Variants in SLC34A3 observed in about 807,000 individuals in gnomAD.
The protein encoded by SLC34A3 is solute carrier family 34 member 3.
A neutral mutation model predicts 43.9 loss-of-function variants in SLC34A3; 60 were observed. The ratio of observed to expected loss-of-function variants is 1.37; its 90% CI spans 1.11 to 1.70. SLC34A3 has a LOEUF of 1.70. Ranked by LOEUF, SLC34A3 falls within the 40% of genes most tolerant of loss-of-function variation. The pLI is 0.00. For synonymous variants in SLC34A3, 451 were observed against 386.2 expected, an observed-to-expected ratio of 1.17 and a Z score of -1.97; for missense variants, 969 against 823.8, an observed-to-expected ratio of 1.18 and a Z score of -2.16.
chr9:137,233,779 T>TTGGCGCCCCCCCCCCCCCCCCCCCC, intron 8 of SLC34A3, 57 bp downstream of exon 8: 1 of 1,445,822 alleles, frequency 6.9e-7, no homozygotes. Context: ...TGCTGAGTCA[T>TTGGCGCCCCCCCCCCCCCCCCCCCC]CCCGCCCCAC....
Position 137,234,054 on chromosome 9 carries a change from C to T in SLC34A3, c.926-55C>T. On this transcript the variant is annotated intron_variant, in intron 9 of 12. Transcript: ENST00000673835. This position sits in a 1 kb window ranked among gnomAD's most constrained non-coding sequence, Gnocchi z 6.9. ...GGACAGGCTGCCCTGTGAGGCCCGG[C>T]CCACCCCGGCCCACCCCCCAGGCTC... 1 of 713,308 alleles carries T rather than the reference C, an allele frequency of 1.4e-6. No homozygotes were observed. The highest frequency in any genetic ancestry group is 2.2e-6 in the Non-Finnish European group (1 of 457,874). 44.2% of individuals were successfully genotyped at this position (713,308 alleles called of 1,614,324 possible). A position where few individuals can be genotyped will look rare whatever the true frequency, so the allele number is the denominator to read the frequency against.
rs776182012 is a variant in SLC34A3 at position 137,233,399 on chromosome 9, G to A, written c.751G>A (p.Val251Met). 1.1e-5 allele frequency: 18 copies of A among 1,602,774 alleles called. No individual in the cohort carries two copies. In the East Asian group the frequency reaches 2.9e-4, roughly 26 times the overall value. ...VLTKPLTHLIVQLDSDMIMSS... is the reference protein window; with the variant it reads ...VLTKPLTHLIMQLDSDMIMSS... ...GACGAAGCCGCTCACACACCTCATCGTGCAGGTGAGGACGGCCACCGCCCC... is the reference window on the plus strand; with the variant it reads ...GACGAAGCCGCTCACACACCTCATCATGCAGGTGAGGACGGCCACCGCCCC... Residue 251 changes from valine to methionine, a missense_variant, in exon 7 of 13, where the codon GTG becomes ATG. By Grantham distance (21) the Val-to-Met change is conservative. Transcript: ENST00000673835.
Position 137,234,681 on chromosome 9 carries a change from C to T in SLC34A3, c.1285C>T (p.Leu429=). ...CAACATCGGCACCACTACCACAGCCCTGCTGGCTGCCCTGGCCAGCCCCGC... is the reference window on the plus strand; with the variant it reads ...CAACATCGGCACCACTACCACAGCCTTGCTGGCTGCCCTGGCCAGCCCCGC... ...GSNIGTTTTA[L]LAALASPADR... The change falls in exon 12 of 13, where the codon CTG becomes TTG. Residue 429 remains leucine, a synonymous_variant. Coordinates refer to ENST00000673835, the MANE Select transcript of SLC34A3 (RefSeq NM_001177316.2). This position sits in a 1 kb window ranked among gnomAD's most constrained non-coding sequence, Gnocchi z 6.9. 4.3e-6 allele frequency: 7 copies of T among 1,612,252 alleles called. No homozygotes were observed. The highest frequency in any genetic ancestry group is 5.9e-6 in the Non-Finnish European group (7 of 1,179,878).
rs955254436 is a variant in SLC34A3 at position 137,234,070 on chromosome 9, C to T, written c.926-39C>T. 3 of 1,488,358 alleles carry T rather than the reference C, an allele frequency of 2.0e-6. No individual in the cohort carries two copies. Among genetic ancestry groups the T allele is most frequent in the African/African-American group, 2.8e-5 (2 of 71,508 alleles). 92.2% of individuals were successfully genotyped at this position (1,488,358 alleles called of 1,614,324 possible). A position where few individuals can be genotyped will look rare whatever the true frequency, so the allele number is the denominator to read the frequency against. ...GAGGCCCGGCCCACCCCGGCCCACC[C>T]CCCAGGCTCCCCCTCACCTGCCCCT... On this transcript the variant is annotated intron_variant, in intron 9 of 12. Transcript: ENST00000673835. This position sits in a 1 kb window ranked among gnomAD's most constrained non-coding sequence, Gnocchi z 6.9.
At position 137,233,221 on chromosome 9, in the gene SLC34A3, C is replaced by T. The variant is rs755437235; in HGVS notation, c.573C>T (p.Gly191=). The change falls in exon 7 of 13, where the codon GGC becomes GGT. Residue 191 remains glycine, a synonymous_variant. Coordinates refer to ENST00000673835, the MANE Select transcript of SLC34A3 (RefSeq NM_001177316.2). ...TCTGCGGCCACAGGGCTTTCAGCGG[C>T]TCGGCGGTGCACGGGATCTTCAACT... ...DRDEFQRAFS[G]SAVHGIFNWL... 1.8e-5 allele frequency: 28 copies of T among 1,575,246 alleles called. No individual in the cohort carries two copies. The highest frequency in any genetic ancestry group is 2.4e-5 in the Non-Finnish European group (28 of 1,160,786).
rs1236157183 is a variant in SLC34A3, at chr9:137,234,599, TC to T, written c.1211-3del. On this transcript the variant is annotated splice_polypyrimidine_tract_variant and splice_region_variant and intron_variant, in intron 11 of 12. Coordinates refer to ENST00000673835, the MANE Select transcript of SLC34A3 (RefSeq NM_001177316.2). This position sits in a 1 kb window ranked among gnomAD's most constrained non-coding sequence, Gnocchi z 6.9. ...CTGGGGTCCTGTGGTGACTCCCAGT[TC>T]CCCCAGGGGTCGGGGTGATCAGTCT... 1 of 1,612,116 alleles carries T rather than the reference TC, an allele frequency of 6.2e-7. No individual in the cohort carries two copies. The highest frequency in any genetic ancestry group is 8.5e-7 in the Non-Finnish European group (1 of 1,179,718).
chr9:137,233,787 C>T, intron 8 of SLC34A3, 65 bp downstream of exon 8: 1 of 1,456,636 alleles, frequency 6.9e-7, no homozygotes, highest in Non-Finnish European at 9.5e-7. Context: ...CATCCCGCCC[C>T]ACCCACCCTC....
In SLC34A3 at chr9:137,232,640, G is replaced by C. The variant is rs376991926; in HGVS notation, c.241G>C (p.Gly81Arg). ...CGTCCTCAAGGCCTGCGGGCTCCTC[G>C]GCAGCCTGTACTTCTTCATCTGCTC... ...GSVLKACGLL[G>R]SLYFFICSLD... The change falls in exon 4 of 13, where the codon GGC becomes CGC. Residue 81 changes from glycine to arginine, a missense_variant. Transcript: ENST00000673835. 14 of 1,612,576 alleles carry C rather than the reference G, an allele frequency of 8.7e-6. No homozygotes were observed. Among genetic ancestry groups the C allele is most frequent in the Non-Finnish European group, 1.1e-5 (13 of 1,179,904 alleles).
chr9:137,236,296 GC>G lies in SLC34A3; in HGVS notation c.1683del (p.Trp562GlyfsTer5). 1 of 1,542,784 alleles carries G rather than the reference GC, an allele frequency of 6.5e-7. No individual in the cohort carries two copies. Among genetic ancestry groups the G allele is most frequent in the Non-Finnish European group, 8.7e-7 (1 of 1,146,736 alleles). On this transcript the variant is annotated frameshift_variant, in exon 13 of 13. Transcript: ENST00000673835. LOFTEE classifies it low-confidence loss of function (END_TRUNC). The part of the protein sequence containing the change: ...WLPVWLHSLE[P>X]WDRLVTRCCP... ...TCCCCGTCTGGCTCCATTCTCTGGA[GC>G]CCTGGGACCGCCTGGTGACCCGCTG...
chr9:137,233,627 C>T lies in SLC34A3; in HGVS notation c.757-6C>T, dbSNP rs934104680. On this transcript the variant is annotated splice_region_variant and splice_polypyrimidine_tract_variant and intron_variant, in intron 7 of 12. Coordinates refer to ENST00000673835, the MANE Select transcript of SLC34A3 (RefSeq NM_001177316.2). ...AGCACACCGTCACGACCCCTCTGGC[C>T]CCCAGTTGGACTCCGACATGATCAT... 2.5e-6 allele frequency: 4 copies of T among 1,612,188 alleles called. No individual in the cohort carries two copies. Among genetic ancestry groups the T allele is most frequent in the Admixed American group, 3.3e-5 (2 of 59,996 alleles).
intron 1 of SLC34A3, 51 bp from the exon 2 acceptor site, chr9:137,231,613 C>A: frequency 8.5e-7 from 1 of 1,170,770 alleles, no homozygotes; most frequent in Non-Finnish European, 1.3e-6. Context: ...CTTGTGAGGA[C>A]AGGGCCGGGG....
At position 137,232,597 on chromosome 9, in the gene SLC34A3, G is replaced by C; in HGVS notation, c.198G>C (p.Leu66=). The C allele has an allele frequency of 6.2e-7, 1 of 1,609,284 alleles. No individual in the cohort carries two copies. Among genetic ancestry groups the C allele is most frequent in the Non-Finnish European group, 8.5e-7 (1 of 1,178,378 alleles). ...CAGAGCTCCGCGTGGCCGGCAGGCT[G>C]CGCCGCGTGGCCGGCAGCGTCCTCA... ...PWKELRVAGR[L]RRVAGSVLKA... is the part of the protein sequence containing the mutation. The change falls in exon 4 of 13, where the codon CTG becomes CTC. Residue 66 remains leucine (L), a synonymous_variant. Transcript: ENST00000673835.
At chr9:137,233,779 T>TTGGGGGCCCCCCCCCCCCCCCCCCCCCC in intron 8 of SLC34A3, 57 bp downstream of exon 8, 5 of 1,445,758 alleles carry the variant, frequency 3.5e-6, no homozygotes, top group East Asian at 2.3e-5. Context: ...TGCTGAGTCA[T>TTGGGGGCCCCCCCCCCCCCCCCCCCCCC]CCCGCCCCAC....
chr9:137,230,399 T>C (rs1836145535), upstream of SLC34A3, among the ~76,000 whole-genome samples: 1 of 152,186 alleles, frequency 6.6e-6, no homozygotes, highest in South Asian at 2.1e-4. Context: ...CTGGGTGCCC[T>C]CCCCGGCTAC....
chr9:137,233,589 T>C (rs754957527), intron 7 of SLC34A3, 44 bp from the exon 8 acceptor site: 9 of 1,596,082 alleles, frequency 5.6e-6, no homozygotes, highest in Non-Finnish European at 7.7e-6. Flanking sequence ...GGGTGAGTCC[T>C]GAGAGAGGGT....
rs761685075 is a variant in SLC34A3, at chr9:137,233,904, A to T, written c.888A>T (p.Thr296=). ...NSSCGAFGPC[T]EKNSTAPADR... is the part of the protein sequence containing the mutation. ...GCTGTGGCGCCTTCGGCCCGTGCACAGAGAAGAACAGCACAGCCCCGGCGG... is the reference window on the plus strand; with the variant it reads ...GCTGTGGCGCCTTCGGCCCGTGCACTGAGAAGAACAGCACAGCCCCGGCGG... Residue 296 remains threonine, a synonymous_variant, in exon 9 of 13, where the codon ACA becomes ACT. Transcript: ENST00000673835. The T allele has an allele frequency of 6.2e-7, 1 of 1,606,374 alleles. No individual in the cohort carries two copies. Among genetic ancestry groups the T allele is most frequent in the East Asian group, 2.2e-5 (1 of 44,652 alleles).
At chr9:137,235,205 C>T (rs1344518000) in intron 12 of SLC34A3, among the ~76,000 whole-genome samples, 1 of 152,118 alleles carries the variant, frequency 6.6e-6, no homozygotes, top group Non-Finnish European at 1.5e-5. Flanking sequence ...GATTCTGCCT[C>T]CAGGACACTT....
Position 137,236,334 on chromosome 9 carries a change from A to G in SLC34A3, c.1718A>G (p.Asn573Ser), listed in dbSNP as rs1320067083. ...CTGGTGACCCGCTGCTGCCCCTGCAACGTCTGCAGCCCCCCGAAGGCCACC... is the reference window on the plus strand; with the variant it reads ...CTGGTGACCCGCTGCTGCCCCTGCAGCGTCTGCAGCCCCCCGAAGGCCACC... ...DRLVTRCCPCNVCSPPKATTK... is the reference protein window; with the variant it reads ...DRLVTRCCPCSVCSPPKATTK... Residue 573 changes from asparagine to serine, a missense_variant, in exon 13 of 13, where the codon AAC becomes AGC. By Grantham distance (46) the Asn-to-Ser change is conservative. Coordinates refer to ENST00000673835, the MANE Select transcript of SLC34A3 (RefSeq NM_001177316.2). 1.9e-6 allele frequency: 3 copies of G among 1,541,636 alleles called. No individual in the cohort carries two copies. Among genetic ancestry groups the G allele is most frequent in the African/African-American group, 2.7e-5 (2 of 72,854 alleles).
In SLC34A3 at chr9:137,234,136, T is replaced by C. The variant is rs1286264501; in HGVS notation, c.953T>C (p.Leu318Pro). 7 of 1,590,904 alleles carry C rather than the reference T, an allele frequency of 4.4e-6. No individual in the cohort carries two copies. The African/African-American group carries it at 9.6e-5, about 22-fold the overall frequency. The part of the protein sequence containing the change: ...PCRHLFAGTE[L>P]TDLAVGCILL... Reference sequence around the variant, plus strand: ...CGCCACCTGTTTGCGGGCACGGAGCTCACGGACCTGGCCGTGGGCTGCATC... The same window carrying C: ...CGCCACCTGTTTGCGGGCACGGAGCCCACGGACCTGGCCGTGGGCTGCATC... Residue 318 changes from leucine to proline, a missense_variant, in exon 10 of 13, where the codon CTC becomes CCC. Physicochemically the swap from Leu to Pro is moderately conservative, Grantham distance 98. Coordinates refer to ENST00000673835, the MANE Select transcript of SLC34A3 (RefSeq NM_001177316.2). The surrounding 1 kb of genome is among the most constrained non-coding windows in gnomAD (Gnocchi z 6.9).
Sources: allele counts gnomAD v4.1 joint callset (sites outside exome capture counted in the v4.1 genomes callset), GRCh38; gene constraint gnomAD v4.1.1; non-coding constraint Gnocchi (gnomAD v3.1); transcripts MANE v1.5; gene names NCBI Gene and HGNC (gene_info 2026-07-23, HGNC 2026-07-21).